ZFTA: variants seen among roughly 807,000 people sequenced by gnomAD.
ZFTA encodes the protein zinc finger translocation associated, also known as zinc finger translocation-associated protein.
ZFTA carries 35 observed loss-of-function variants against 41.8 expected under a neutral mutation model. The observed-to-expected ratio is 0.84, with a 90% CI of 0.64 to 1.11. The LOEUF (loss-of-function observed/expected upper bound fraction) is 1.11, where lower values mean the gene tolerates loss of function less well. Among genes scored for constraint, ZFTA ranks in the 50% most tolerant of loss-of-function variants. The pLI, the probability that ZFTA is intolerant of heterozygous loss-of-function variation, is 0.00. For synonymous variants in ZFTA, 514 were observed against 436.4 expected (o/e 1.18, Z -2.22); for missense variants, 964 against 989.8 (o/e 0.97, Z 0.35).
intron 1 of ZFTA, among the ~76,000 whole-genome samples, chr11:63,766,860 T>C (rs1437627110): frequency 6.6e-6 from 1 of 152,192 alleles, no homozygotes; most frequent in Non-Finnish European, 1.5e-5. Context: ...CATTGTCAGT[T>C]CCCCAAATCT....
Position 63,764,371 on chromosome 11 carries a change from G to T in ZFTA, c.1252C>A (p.Pro418Thr), listed in dbSNP as rs2135093909. 1.5e-6 allele frequency: 2 copies of T among 1,309,232 alleles called. No homozygotes were observed. Among genetic ancestry groups the T allele is most frequent in the South Asian group, 2.1e-5 (1 of 48,722 alleles). 81.1% of individuals were successfully genotyped at this position (1,309,232 alleles called of 1,614,324 possible). Residue 418 changes from proline to threonine, a missense_variant, in exon 4 of 5, where the codon CCC (proline) becomes ACC (threonine). Physicochemically the swap from Pro to Thr is conservative, Grantham distance 38. Transcript: ENST00000433688. ...SPRGRAHRRHPQERWRLEYLM... is the reference protein window; with the variant it reads ...SPRGRAHRRHTQERWRLEYLM... The stretch of plus-strand genomic sequence containing the variant: ...TACTCCAGCCGCCAGCGCTCCTGGG[G>T]GTGGCGGCGGTGGGCGCGGCCCCGC...
chr11:63,764,722 C>G, intron 3 of ZFTA, 124 bp from the exon 4 acceptor site: 1 of 1,355,374 alleles, frequency 7.4e-7, no homozygotes, highest in East Asian at 2.9e-5. Context: ...CTGTCTCTGT[C>G]TGGGGGCAGG....
Position 63,760,387 on chromosome 11 carries a change from A to T in ZFTA, c.*3031T>A, listed in dbSNP as rs1035885219. 3 of 152,356 alleles carry T rather than the reference A, an allele frequency of 2.0e-5. No homozygotes were observed. The highest frequency in any genetic ancestry group is 1.9e-4 in the East Asian group (1 of 5,192). The allele number at this position is 152,356 out of a possible 1,614,324, so 9.4% of individuals were successfully genotyped here. The stretch of plus-strand genomic sequence containing the variant: ...GCTGGCTTTTAAAAATGTATTCAAC[A>T]TACCTCTTAGAAAACTTAGGCTGAA... On this transcript the variant is annotated 3_prime_UTR_variant, in exon 5 of 5. Coordinates refer to ENST00000433688, the MANE Select transcript of ZFTA (RefSeq NM_001144936.2).
chr11:63,765,374 T>C lies in ZFTA; in HGVS notation c.638-120A>G, dbSNP rs1190922891. Reference sequence around the variant, plus strand: ...CCCAGGCCTAACCTTTGCCCTTCTCTTCCTCTCTCCTGAAATCCTAACTCC... The same window carrying C: ...CCCAGGCCTAACCTTTGCCCTTCTCCTCCTCTCTCCTGAAATCCTAACTCC... On this transcript the variant is annotated intron_variant, in intron 2 of 4. Coordinates refer to ENST00000433688, the MANE Select transcript of ZFTA (RefSeq NM_001144936.2). The surrounding 1 kb of genome is among the most constrained non-coding windows in gnomAD (Gnocchi z 4.0). 2 of 1,151,716 alleles carry C rather than the reference T, an allele frequency of 1.7e-6. No homozygotes were observed. Among genetic ancestry groups the C allele is most frequent in the South Asian group, 1.8e-5 (1 of 55,622 alleles). 71.3% of individuals were successfully genotyped at this position (1,151,716 alleles called of 1,614,324 possible).
intron 3 of ZFTA, 68 bp from the exon 4 acceptor site, chr11:63,764,666 G>T: frequency 7.8e-7 from 1 of 1,288,856 alleles, no homozygotes. Context: ...CACTCAGAGG[G>T]GTCCATCCTG....
rs929838906 is a variant in ZFTA at position 63,763,739 on chromosome 11, GGGCGGGGGCGGA to G, written c.1704_1715del (p.Pro569_Pro572del). The G allele has an allele frequency of 6.5e-5, 97 of 1,496,670 alleles. No homozygotes were observed. In the East Asian group the frequency reaches 1.5e-3, roughly 24 times the overall value. 92.7% of individuals were successfully genotyped at this position (1,496,670 alleles called of 1,614,324 possible). On this transcript the variant is annotated inframe_deletion, in exon 5 of 5. Transcript: ENST00000433688. ...AGTTCCGCCGCTGCTCCCGGCTGCG[GGGCGGGGGCGGA>G]GGCGGGGGAGGAGGCGGCGGCGGCA...
Position 63,763,818 on chromosome 11 carries a change from T to A in ZFTA, c.1637A>T (p.Glu546Val), listed in dbSNP as rs1425497227. 6.9e-6 allele frequency: 10 copies of A among 1,445,102 alleles called. No homozygotes were observed. Among genetic ancestry groups the A allele is most frequent in the Non-Finnish European group, 8.2e-6 (9 of 1,101,482 alleles). 89.5% of individuals were successfully genotyped at this position (1,445,102 alleles called of 1,614,324 possible). A position where few individuals can be genotyped will look rare whatever the true frequency, so the allele number is the denominator to read the frequency against. Residue 546 changes from glutamate (E) to valine (V), a missense_variant, in exon 5 of 5, where the codon GAG becomes GTG. By Grantham distance (121) the Glu-to-Val change is moderately radical. Around this residue, in one of 5 missense-constraint regions of ZFTA, gnomAD observed 584 missense variants for 523.1 expected, o/e 1.12. Coordinates refer to ENST00000433688, the MANE Select transcript of ZFTA (RefSeq NM_001144936.2). ...CTCCTGGCCGTCCTCTTCGTCCTCC[T>A]CTTCTTCGGCGGGCCGCTCCAAGGG... ...GAPLERPAEEEEDEEDGQEPG... is the reference protein window; with the variant it reads ...GAPLERPAEEVEDEEDGQEPG...
chr11:63,765,732 T>C lies in ZFTA; in HGVS notation c.637+75A>G. The stretch of plus-strand genomic sequence containing the variant: ...GCCTTGCTCAAGAACACCAGCTCCT[T>C]GGCAGAGCAGCTGGCCCACTGTGCC... On this transcript the variant is annotated intron_variant, in intron 2 of 4. Coordinates refer to ENST00000433688, the MANE Select transcript of ZFTA (RefSeq NM_001144936.2). The surrounding 1 kb of genome is among the most constrained non-coding windows in gnomAD (Gnocchi z 4.0). 2 of 1,424,964 alleles carry C rather than the reference T, an allele frequency of 1.4e-6. No individual in the cohort carries two copies. The highest frequency in any genetic ancestry group is 1.5e-5 in the South Asian group (1 of 66,070). 88.3% of individuals were successfully genotyped at this position (1,424,964 alleles called of 1,614,324 possible).
Position 63,767,099 on chromosome 11 carries a change from C to G in ZFTA, c.140-795G>C, listed in dbSNP as rs367555014. Among the ~76,000 whole-genome samples the G allele has an allele frequency of 1.3e-4, 20 of 152,312 alleles. No homozygotes were observed. In the South Asian group the frequency reaches 3.3e-3, roughly 25 times the overall value. On this transcript the variant is annotated intron_variant, in intron 1 of 4. Transcript: ENST00000433688. ...TTTATTTGCTGCTCTGGCAGGGAGC[C>G]GGCCACTGCCCAGCAGTCAGAAGGG...
At chr11:63,764,846 C>T (rs1225914356) in intron 3 of ZFTA, 22 bp downstream of exon 3, 1 of 1,454,108 alleles carries the variant, frequency 6.9e-7, no homozygotes. Context: ...GAGGGGGTCT[C>T]AGCCTGGGAT....
At position 63,762,738 on chromosome 11, in the gene ZFTA, T is replaced by C. The variant is rs531312772; in HGVS notation, c.*680A>G. 1 of 152,454 alleles carries C rather than the reference T, an allele frequency of 6.6e-6. No individual in the cohort carries two copies. The highest frequency in any genetic ancestry group is 2.4e-5 in the African/African-American group (1 of 41,560). 9.4% of individuals were successfully genotyped at this position (152,454 alleles called of 1,614,324 possible). ...GGGCCGCCGGGCGCACGGTTCTCAC[T>C]GAGCCTGCCGGGGAGGTAAGCGCAG... is the stretch of plus-strand genomic sequence containing the variant. On this transcript the variant is annotated 3_prime_UTR_variant, in exon 5 of 5. Transcript: ENST00000433688.
In ZFTA at chr11:63,764,503, C is replaced by T. The variant is rs962662977; in HGVS notation, c.1120G>A (p.Val374Ile). The part of the protein sequence containing the change: ...PSSQDLSPPD[V>I]KEEAGWVPER... Reference sequence around the variant, plus strand: ...GGGACCCAGCCAGCCTCTTCCTTTACGTCTGGGGGGCTGAGATCCTGAGAG... The same window carrying T: ...GGGACCCAGCCAGCCTCTTCCTTTATGTCTGGGGGGCTGAGATCCTGAGAG... The change falls in exon 4 of 5, where the codon GTA becomes ATA. Residue 374 changes from valine (V) to isoleucine (I), a missense_variant. Val to Ile is a conservative substitution (Grantham distance 29). Around this residue, in one of 5 missense-constraint regions of ZFTA, gnomAD observed 584 missense variants for 523.1 expected, o/e 1.12. Transcript: ENST00000433688. The T allele has an allele frequency of 1.6e-6, 2 of 1,257,726 alleles. No individual in the cohort carries two copies. The highest frequency in any genetic ancestry group is 2.2e-4 in the Middle Eastern group (1 of 4,628). 77.9% of individuals were successfully genotyped at this position (1,257,726 alleles called of 1,614,324 possible).
chr11:63,764,635 G>C (rs2014715173), intron 3 of ZFTA, 37 bp from the exon 4 acceptor site: 6 of 1,263,932 alleles, frequency 4.7e-6, no homozygotes, highest in East Asian at 6.3e-5. Context: ...GGCTCAGCCT[G>C]CTGGCTGGGT....
rs1427969447 is a variant in ZFTA, at chr11:63,764,537, T to C, written c.1086A>G (p.Gly362=). The C allele has an allele frequency of 2.4e-6, 3 of 1,256,248 alleles. No homozygotes were observed. Among genetic ancestry groups the C allele is most frequent in the African/African-American group, 1.6e-5 (1 of 64,512 alleles). The allele number at this position is 1,256,248 out of a possible 1,614,324, so 77.8% of individuals were successfully genotyped here. A position where few individuals can be genotyped will look rare whatever the true frequency, so the allele number is the denominator to read the frequency against. The change falls in exon 4 of 5, where the codon GGA becomes GGG. Residue 362 remains glycine, a synonymous_variant. Coordinates refer to ENST00000433688, the MANE Select transcript of ZFTA (RefSeq NM_001144936.2). ...GGCTGAGATCCTGAGAGGAGGGGGC[T>C]CCAGCAGCGGAGGCCGAGTCCCGGC... The part of the protein sequence containing the change: ...GKSRDSASAA[G]APSSQDLSPP...
In ZFTA at chr11:63,764,534, G is replaced by T; in HGVS notation, c.1089C>A (p.Ala363=). The change falls in exon 4 of 5, where the codon GCC becomes GCA. Residue 363 remains alanine (A), a synonymous_variant. Coordinates refer to ENST00000433688, the MANE Select transcript of ZFTA (RefSeq NM_001144936.2). ...KSRDSASAAG[A]PSSQDLSPPD... is the part of the protein sequence containing the mutation. Reference sequence around the variant, plus strand: ...GGGGGCTGAGATCCTGAGAGGAGGGGGCTCCAGCAGCGGAGGCCGAGTCCC... The same window carrying T: ...GGGGGCTGAGATCCTGAGAGGAGGGTGCTCCAGCAGCGGAGGCCGAGTCCC... 3 of 1,256,928 alleles carry T rather than the reference G, an allele frequency of 2.4e-6. No homozygotes were observed. Among genetic ancestry groups the T allele is most frequent in the Non-Finnish European group, 3.0e-6 (3 of 995,420 alleles). The allele number at this position is 1,256,928 out of a possible 1,614,324, so 77.9% of individuals were successfully genotyped here.
In ZFTA at chr11:63,764,535, G is replaced by C; in HGVS notation, c.1088C>G (p.Ala363Gly). The change falls in exon 4 of 5, where the codon GCC becomes GGC. Residue 363 changes from alanine to glycine, a missense_variant. Ala to Gly is a moderately conservative substitution (Grantham distance 60). Coordinates refer to ENST00000433688, the MANE Select transcript of ZFTA (RefSeq NM_001144936.2). ...KSRDSASAAG[A>G]PSSQDLSPPD... ...GGGGCTGAGATCCTGAGAGGAGGGG[G>C]CTCCAGCAGCGGAGGCCGAGTCCCG... 4.0e-6 allele frequency: 5 copies of C among 1,256,650 alleles called. No homozygotes were observed. The highest frequency in any genetic ancestry group is 5.0e-6 in the Non-Finnish European group (5 of 995,312). 77.8% of individuals were successfully genotyped at this position (1,256,650 alleles called of 1,614,324 possible).
intron 1 of ZFTA, chr11:63,767,193 C>T (rs1182467085): frequency 6.6e-6 from 1 of 152,364 alleles, no homozygotes; most frequent in Admixed American, 6.5e-5. Flanking sequence ...GAGCAGTCCC[C>T]TACCCTCCCT....
At position 63,762,876 on chromosome 11, in the gene ZFTA, C is replaced by G. The variant is rs1408006796; in HGVS notation, c.*542G>C. The G allele has an allele frequency of 6.6e-6, 1 of 152,176 alleles. No homozygotes were observed. Among genetic ancestry groups the G allele is most frequent in the Non-Finnish European group, 1.5e-5 (1 of 68,038 alleles). The allele number at this position is 152,176 out of a possible 1,614,324, so 9.4% of individuals were successfully genotyped here. A position where few individuals can be genotyped will look rare whatever the true frequency, so the allele number is the denominator to read the frequency against. On this transcript the variant is annotated 3_prime_UTR_variant, in exon 5 of 5. Coordinates refer to ENST00000433688, the MANE Select transcript of ZFTA (RefSeq NM_001144936.2). ...CAGCCTCCCGCTGGAAGCCCCAGTCCGCAGCCGGGGCCTCCGAGAGGCCGA... is the reference window on the plus strand; with the variant it reads ...CAGCCTCCCGCTGGAAGCCCCAGTCGGCAGCCGGGGCCTCCGAGAGGCCGA...
In ZFTA at chr11:63,765,809, G is replaced by T; in HGVS notation, c.635C>A (p.Pro212Gln). The change falls in exon 2 of 5, where the codon CCA (proline) becomes CAA (glutamine). Residue 212 changes from proline to glutamine, a missense_variant and splice_region_variant. Physicochemically the swap from Pro to Gln is moderately conservative, Grantham distance 76 (BLOSUM62 -1). Around this residue, in one of 5 missense-constraint regions of ZFTA, gnomAD observed 141 missense variants for 216.7 expected, o/e 0.65. Coordinates refer to ENST00000433688, the MANE Select transcript of ZFTA (RefSeq NM_001144936.2). This position sits in a 1 kb window ranked among gnomAD's most constrained non-coding sequence, Gnocchi z 4.0. Reference sequence around the variant, plus strand: ...TACAGAATCTGCATTTGCATTACCTGGGCCCTTGGGCGGGCAAGCTGGGAC... The same window carrying T: ...TACAGAATCTGCATTTGCATTACCTTGGCCCTTGGGCGGGCAAGCTGGGAC... ...AGVPACPPKG[P>Q]GKAPAGGGCR... is the part of the protein sequence containing the mutation. 6.8e-7 allele frequency: 1 copy of T among 1,476,090 alleles called. No individual in the cohort carries two copies. The allele number at this position is 1,476,090 out of a possible 1,614,324, so 91.4% of individuals were successfully genotyped here. A position where few individuals can be genotyped will look rare whatever the true frequency, so the allele number is the denominator to read the frequency against.
Sources: allele counts gnomAD v4.1 joint callset (sites outside exome capture counted in the v4.1 genomes callset), GRCh38; gene constraint gnomAD v4.1.1; regional missense constraint gnomAD v4.1.1; non-coding constraint Gnocchi (gnomAD v3.1); transcripts MANE v1.5; gene names NCBI Gene and HGNC (gene_info 2026-07-23, HGNC 2026-07-21).